CSMD1: variants seen among roughly 807,000 people sequenced by gnomAD.
The protein encoded by CSMD1 is CUB and sushi domain-containing protein 1.
A neutral mutation model predicts 417.5 loss-of-function variants in CSMD1; 213 were observed. The ratio of observed to expected loss-of-function variants is 0.51; its 90% CI spans 0.46 to 0.57. The LOEUF (loss-of-function observed/expected upper bound fraction) is 0.57. Among genes scored for constraint, CSMD1 ranks in the 20% least tolerant of loss-of-function variants. The pLI is 0.00. For missense variants in CSMD1, 6,923 were observed against 4,529.7 expected (o/e 1.53, Z -15.17); for synonymous variants, 2,862 against 1,736.8 (o/e 1.65, Z -16.11).
chr8:3,512,927 C>G (rs1047016341), intron 10 of CSMD1, among the ~76,000 whole-genome samples: 2 of 151,854 alleles, frequency 1.3e-5, no homozygotes, highest in South Asian at 4.2e-4. Flanking sequence ...CACGTGGGCC[C>G]GTTGTATAAC....
rs370644266 is a variant in CSMD1 at position 3,077,206 on chromosome 8, GTGAGAACCATTGGTCATGGAGGACT to G, written c.7474+9866_7474+9890del. Among the ~76,000 whole-genome samples, 492 of 152,294 alleles carry G rather than the reference GTGAGAACCATTGGTCATGGAGGACT, an allele frequency of 3.2e-3. 2 individuals are homozygous for G. The highest frequency in any genetic ancestry group is 0.011 in the African/African-American group (471 of 41,548). On this transcript the variant is annotated intron_variant, in intron 49 of 69. Transcript: ENST00000635120. ...GAATGCATTTTTTAAACTTTGCAAGGTGAGAACCATTGGTCATGGAGGACTAAACAGCTGCACAAATAGGAAATCA... is the reference window on the plus strand; with the variant it reads ...GAATGCATTTTTTAAACTTTGCAAGGAAACAGCTGCACAAATAGGAAATCA...
chr8:3,762,447 C>T (rs1004972245), intron 5 of CSMD1, among the ~76,000 whole-genome samples: 4 of 152,172 alleles, frequency 2.6e-5, no homozygotes, highest in Admixed American at 2.6e-4. Context: ...CAGACATTTT[C>T]AAAATAGTAA....
At chr8:3,414,107 C>T (rs1407509557) in intron 12 of CSMD1, among the ~76,000 whole-genome samples, 2 of 148,288 alleles carry the variant, frequency 1.3e-5, no homozygotes, top group Admixed American at 1.4e-4. Flanking sequence ...ACACTGCAGT[C>T]CAGCCTGTGT....
chr8:4,806,836 A>G (rs1165808770), intron 1 of CSMD1, among the ~76,000 whole-genome samples: 1 of 152,172 alleles, frequency 6.6e-6, no homozygotes, highest in African/African-American at 2.4e-5. Flanking sequence ...GTAAAAGATG[A>G]AGGTGTCATA....
intron 1 of CSMD1, among the ~76,000 whole-genome samples, chr8:4,692,520 C>G (rs190674769): frequency 6.6e-6 from 1 of 152,080 alleles, no homozygotes; most frequent in Non-Finnish European, 1.5e-5. Context: ...GACATAATGT[C>G]TGAGTTAAGG....
intron 2 of CSMD1, among the ~76,000 whole-genome samples, chr8:4,524,459 G>A (rs1339492819): frequency 6.6e-6 from 1 of 152,116 alleles, no homozygotes; most frequent in African/African-American, 2.4e-5. Flanking sequence ...GGCTGAAACA[G>A]GACAGCTGAG....
chr8:3,735,619 G>C (rs1480640573), intron 6 of CSMD1, among the ~76,000 whole-genome samples: 1 of 152,144 alleles, frequency 6.6e-6, no homozygotes, highest in South Asian at 2.1e-4. Flanking sequence ...TCTCTCCACA[G>C]GTAAGTCTGA....
At chr8:3,309,339 G>A (rs1469685063) in intron 23 of CSMD1, among the ~76,000 whole-genome samples, 6 of 127,978 alleles carry the variant, frequency 4.7e-5, no homozygotes, top group Non-Finnish European at 8.9e-5. Context: ...AAAAACTGGC[G>A]CTCCTGAATT....
At chr8:4,395,094 T>C (rs1390591944) in intron 3 of CSMD1, among the ~76,000 whole-genome samples, 2 of 152,282 alleles carry the variant, frequency 1.3e-5, no homozygotes, top group African/African-American at 2.4e-5. Context: ...TGCACCCACA[T>C]GAACCTCCGC....
intron 1 of CSMD1, among the ~76,000 whole-genome samples, chr8:4,744,124 G>A (rs1810801269): frequency 6.6e-6 from 1 of 152,186 alleles, no homozygotes; most frequent in African/African-American, 2.4e-5. Flanking sequence ...ATACGCAGAG[G>A]TGCTCAGGGA....
At chr8:3,617,658 T>C (rs1431397478) in intron 7 of CSMD1, among the ~76,000 whole-genome samples, 1 of 152,164 alleles carries the variant, frequency 6.6e-6, no homozygotes, top group East Asian at 1.9e-4. Flanking sequence ...GCCATTTTCC[T>C]ATAATCCAAG....
chr8:4,331,208 A>T (rs1283946444), intron 3 of CSMD1, among the ~76,000 whole-genome samples: 1 of 152,172 alleles, frequency 6.6e-6, no homozygotes, highest in African/African-American at 2.4e-5. Flanking sequence ...AGTTGACAAG[A>T]TTACTGCCTC....
At chr8:3,058,685 G>C (rs527942466) in intron 49 of CSMD1, among the ~76,000 whole-genome samples, 3 of 152,034 alleles carry the variant, frequency 2.0e-5, no homozygotes, top group South Asian at 2.1e-4. Context: ...AGTACATCTG[G>C]GGGAGGGGGA....
chr8:4,306,831 G>A (rs374490995), intron 3 of CSMD1, among the ~76,000 whole-genome samples: 1 of 64,678 alleles, frequency 1.5e-5, no homozygotes, highest in African/African-American at 6.3e-5. Flanking sequence ...AACATCTCCA[G>A]ATTTAAAAAA....
At chr8:3,949,898 C>G (rs553656428) in intron 5 of CSMD1, 1 of 455,738 alleles carries the variant, frequency 2.2e-6, no homozygotes, top group African/African-American at 2.0e-5. Context: ...ATTGTGCCTC[C>G]ATGGGAAGCT....
At chr8:3,905,443 G>T (rs948085830) in intron 5 of CSMD1, among the ~76,000 whole-genome samples, 5 of 152,330 alleles carry the variant, frequency 3.3e-5, no homozygotes, top group East Asian at 1.9e-4. Context: ...ACTGTGCAAT[G>T]TAAGACCCCC....
chr8:3,743,764 G>A (rs2720843), intron 6 of CSMD1, among the ~76,000 whole-genome samples: 150,084 of 152,236 alleles, frequency 0.99, 74,012 homozygotes, highest in East Asian at 1. Context: ...TCACCATGGC[G>A]ATGTAAATTG....
chr8:4,113,395 T>A (rs1338988419), intron 3 of CSMD1, among the ~76,000 whole-genome samples: 15 of 50,648 alleles, frequency 3.0e-4, no homozygotes, highest in African/African-American at 7.1e-4. Flanking sequence ...AAGGGCTTTT[T>A]TTTTTTTTTT....
chr8:3,915,911 G>A (rs1372324904), intron 5 of CSMD1, among the ~76,000 whole-genome samples: 3 of 150,650 alleles, frequency 2.0e-5, no homozygotes, highest in African/African-American at 7.3e-5. Flanking sequence ...AATTGTGTGA[G>A]TTATCTGAGG....
Sources: gnomAD v4.1 joint callset for allele counts (sites outside exome capture counted in the v4.1 genomes callset) on GRCh38, gnomAD v4.1.1 for gene constraint, MANE v1.5 for transcripts, NCBI Gene and HGNC (gene_info 2026-07-23, HGNC 2026-07-21) for gene names.